The following TET3 variants were observed in gnomAD, a reference collection of about 807,000 sequenced individuals.
TET3 encodes tet methylcytosine dioxygenase 3.
Under a neutral mutation model 141.4 loss-of-function variants are expected in TET3, and 19 were observed. The observed-to-expected ratio is 0.13, with a 90% CI of 0.09 to 0.20. The LOEUF (loss-of-function observed/expected upper bound fraction) is 0.20. Ranked by LOEUF, TET3 falls within the 10% of genes least tolerant of loss-of-function variation. The pLI, the probability that TET3 is intolerant of heterozygous loss-of-function variation, is 1.00. For missense variants in TET3, 1,874 were observed against 2,356.9 expected (o/e 0.80, Z 4.24); for synonymous variants, 1,043 against 980.9 (o/e 1.06, Z -1.18).
intron 10 of TET3, among the ~76,000 whole-genome samples, chr2:74,098,354 A>AT (rs1196393174): frequency 6.6e-6 from 1 of 152,230 alleles, no homozygotes; most frequent in Non-Finnish European, 1.5e-5. Flanking sequence ...GGGGGAGAAT[A>AT]TTTAATGCAC....
At chr2:74,091,306 C>T (rs764129260) in intron 8 of TET3, among the ~76,000 whole-genome samples, 1 of 152,194 alleles carries the variant, frequency 6.6e-6, no homozygotes. Context: ...CTCTCAAATT[C>T]TTTCCCTGTT....
At chr2:74,013,039 G>C (rs1431823112) in intron 3 of TET3, among the ~76,000 whole-genome samples, 1 of 149,914 alleles carries the variant, frequency 6.7e-6, no homozygotes, top group South Asian at 2.1e-4. Context: ...TCTATTGCCA[G>C]GCTGGAGCGC....
intron 10 of TET3, among the ~76,000 whole-genome samples, chr2:74,094,736 A>G (rs1573908926): frequency 6.6e-6 from 1 of 152,078 alleles, no homozygotes; most frequent in Non-Finnish European, 1.5e-5. Context: ...GATGGGCTGG[A>G]TTGTTATGTG....
chr2:74,080,705 G>A lies in TET3; in HGVS notation c.2679+114G>A, dbSNP rs13001089. On this transcript the variant is annotated intron_variant, in intron 6 of 11. Transcript: ENST00000409262. ...GTAGCTGAGCAGGCGAGGGCGGGGG[G>A]TGGGGCCAGGTGGGTGTGTAGGAGA... 5.3e-5 allele frequency: 12 copies of A among 226,244 alleles called. 3 individuals are homozygous for A. The highest frequency in any genetic ancestry group is 3.7e-4 in the South Asian group (9 of 24,238). The allele number at this position is 226,244 out of a possible 1,614,324, so 14.0% of individuals were successfully genotyped here.
At chr2:74,070,178 C>T (rs535194382) in intron 4 of TET3, among the ~76,000 whole-genome samples, 1 of 151,944 alleles carries the variant, frequency 6.6e-6, no homozygotes, top group Non-Finnish European at 1.5e-5. Context: ...AGTCCATTTT[C>T]ACGCTGCTGA....
At chr2:74,129,414 C>T in the TET3 span, among the ~76,000 whole-genome samples, 1 of 150,254 alleles carries the variant, frequency 6.7e-6, no homozygotes, top group South Asian at 2.1e-4. Context: ...AGGCAGATCA[C>T]CTGAGGTCAG....
the TET3 span, among the ~76,000 whole-genome samples, chr2:74,131,706 C>G: frequency 6.6e-6 from 1 of 152,172 alleles, no homozygotes; most frequent in Admixed American, 6.5e-5. Flanking sequence ...GTTTTTAAAA[C>G]GACACTGAGC....
chr2:74,095,744 C>G (rs1306774605), intron 10 of TET3, among the ~76,000 whole-genome samples: 2 of 152,232 alleles, frequency 1.3e-5, no homozygotes, highest in African/African-American at 2.4e-5. Flanking sequence ...TAACCAGTCC[C>G]CTATCAATGG....
At chr2:74,014,904 TGTG>T (rs1685651500) in intron 3 of TET3, among the ~76,000 whole-genome samples, 3 of 152,240 alleles carry the variant, frequency 2.0e-5, no homozygotes, top group Admixed American at 6.5e-5. Flanking sequence ...CCAGGAAAAA[TGTG>T]GTGGACATCT....
intron 3 of TET3, among the ~76,000 whole-genome samples, chr2:74,027,178 G>A (rs927907123): frequency 6.6e-6 from 1 of 152,052 alleles, no homozygotes; most frequent in Non-Finnish European, 1.5e-5. Flanking sequence ...ATTGTTTGAG[G>A]GTGAGCTCAC....
In TET3 at chr2:74,101,482, G is replaced by A. The variant is rs543357786; in HGVS notation, c.4694G>A (p.Gly1565Asp). ...TGGAACCCCATGAAAGGAGAGGAGG[G>A]CAGGATTCCAGCCGCAGGGGCCAGC... ...KLWNPMKGEEGRIPAAGASQL... is the reference protein window; with the variant it reads ...KLWNPMKGEEDRIPAAGASQL... Residue 1565 changes from glycine (G) to aspartate (D), a missense_variant, in exon 12 of 12, where the codon GGC becomes GAC. Gly to Asp is a moderately conservative substitution (Grantham distance 94). Transcript: ENST00000409262. The surrounding 1 kb of genome is among the most constrained non-coding windows in gnomAD (Gnocchi z 8.5). 1.2e-6 allele frequency: 2 copies of A among 1,613,332 alleles called. No individual in the cohort carries two copies. The highest frequency in any genetic ancestry group is 2.2e-5 in the East Asian group (1 of 44,852).
intron 4 of TET3, among the ~76,000 whole-genome samples, chr2:74,056,076 G>C (rs1688200324): frequency 6.6e-6 from 1 of 152,212 alleles, no homozygotes; most frequent in Admixed American, 6.5e-5. Context: ...AGAGTAGATA[G>C]GTACAAATGG....
At chr2:74,132,419 C>T in the TET3 span, among the ~76,000 whole-genome samples, 2 of 152,238 alleles carry the variant, frequency 1.3e-5, no homozygotes, top group African/African-American at 4.8e-5. Context: ...CAGGACCTCA[C>T]TGTGTGCCAT....
chr2:74,004,413 G>A (rs1685044082), intron 3 of TET3, among the ~76,000 whole-genome samples: 1 of 152,196 alleles, frequency 6.6e-6, no homozygotes, highest in Non-Finnish European at 1.5e-5. Flanking sequence ...GATGCTGGTA[G>A]GGAGGGGCTC....
Position 74,031,177 on chromosome 2 carries a change from C to T in TET3, c.361-15101C>T, listed in dbSNP as rs139686367. 3.6e-3 allele frequency among the ~76,000 whole-genome samples: 542 copies of T among 151,562 alleles called. 4 individuals are homozygous for T. The highest frequency in any genetic ancestry group is 0.012 in the African/African-American group (498 of 41,302). On this transcript the variant is annotated intron_variant, in intron 3 of 11. Coordinates refer to ENST00000409262, the MANE Select transcript of TET3 (RefSeq NM_001287491.2). Reference sequence around the variant, plus strand: ...GGAGGCTTCTGAGGGGAGCATGGGGCGATGGAGAGCAGTGAGGGCAGGAGA... The same window carrying T: ...GGAGGCTTCTGAGGGGAGCATGGGGTGATGGAGAGCAGTGAGGGCAGGAGA...
chr2:74,129,559 G>T, the TET3 span, among the ~76,000 whole-genome samples: 1 of 151,948 alleles, frequency 6.6e-6, no homozygotes, highest in Non-Finnish European at 1.5e-5. Flanking sequence ...CTTGAACCCA[G>T]CAGGCAGACT....
At chr2:73,986,784 T>C in intron 2 of TET3, 78 bp downstream of exon 2, 1 of 1,191,634 alleles carries the variant, frequency 8.4e-7, no homozygotes, top group South Asian at 4.4e-5. Flanking sequence ...CAAGCAAGGC[T>C]CGTCCAGTTG....
chr2:74,035,706 G>A (rs181287421), intron 3 of TET3, among the ~76,000 whole-genome samples: 4 of 152,088 alleles, frequency 2.6e-5, no homozygotes, highest in East Asian at 3.9e-4. Context: ...CAGCCTGGGC[G>A]ACAGAGTGAG....
Position 74,025,025 on chromosome 2 carries a change from C to T in TET3, c.361-21253C>T, listed in dbSNP as rs1399552439. Among the ~76,000 whole-genome samples the T allele has an allele frequency of 3.3e-5, 5 of 151,702 alleles. No individual in the cohort carries two copies. The East Asian group carries it at 9.9e-4, about 30-fold the overall frequency. ...GATCATGAAGTCAGGAGATCAAGAC[C>T]ATCCTGGCTAACACAGTGAAACCCC... On this transcript the variant is annotated intron_variant, in intron 3 of 11. Transcript: ENST00000409262.
Sources: gnomAD v4.1 joint callset for allele counts (sites outside exome capture counted in the v4.1 genomes callset) on GRCh38, gnomAD v4.1.1 for gene constraint, Gnocchi (gnomAD v3.1) non-coding constraint, MANE v1.5 for transcripts, NCBI Gene and HGNC (gene_info 2026-07-23, HGNC 2026-07-21) for gene names.